The following SHISA9 variants were observed in gnomAD, a reference collection of about 807,000 sequenced individuals.
The protein encoded by SHISA9 is shisa family member 9, also known as protein shisa-9.
In SHISA9, 13 loss-of-function variants were observed where a neutral mutation model predicts 38.0. The ratio of observed to expected loss-of-function variants is 0.34; its 90% CI spans 0.22 to 0.54. SHISA9 has a LOEUF of 0.54. SHISA9 is among the 20% of genes least tolerant of loss of function. The probability of loss-of-function intolerance (pLI) is 0.91; values close to 1 mark genes in which losing one functional copy is unlikely to be tolerated. For missense variants in SHISA9, 538 were observed against 575.8 expected (o/e 0.93, Z 0.67); for synonymous variants, 275 against 242.0 (o/e 1.14, Z -1.27).
the SHISA9 span, among the ~76,000 whole-genome samples, chr16:13,535,524 C>T: frequency 6.6e-6 from 1 of 152,174 alleles, no homozygotes; most frequent in Non-Finnish European, 1.5e-5. Context: ...CAGTCACACT[C>T]GTTCGTTTAC....
At chr16:13,147,252 A>T (rs1053951067) in intron 2 of SHISA9, among the ~76,000 whole-genome samples, 1 of 152,060 alleles carries the variant, frequency 6.6e-6, no homozygotes, top group African/African-American at 2.4e-5. Flanking sequence ...TGATAAGGAG[A>T]CTGAATTCTA....
chr16:13,538,253 C>G, the SHISA9 span, among the ~76,000 whole-genome samples: 13,514 of 152,188 alleles, frequency 0.089, 777 homozygotes, highest in East Asian at 0.2. Flanking sequence ...GGTCAGGAAA[C>G]AGGTTTTCTC....
intron 2 of SHISA9, among the ~76,000 whole-genome samples, chr16:12,990,015 G>A (rs1410615864): frequency 6.6e-6 from 1 of 152,138 alleles, no homozygotes; most frequent in Non-Finnish European, 1.5e-5. Flanking sequence ...CCACTTATAA[G>A]TGAGAACATG....
At chr16:12,908,752 C>T (rs937289980) in intron 1 of SHISA9, 84 of 1,409,914 alleles carry the variant, frequency 6.0e-5, no homozygotes, top group Non-Finnish European at 7.2e-5. Flanking sequence ...CTTTCTATAT[C>T]GGCCCCGGCA....
intron 2 of SHISA9, among the ~76,000 whole-genome samples, chr16:13,117,252 G>A (rs1425068214): frequency 1.3e-5 from 2 of 152,110 alleles, no homozygotes; most frequent in African/African-American, 4.8e-5. Flanking sequence ...TGGGATTATG[G>A]GCATGAGCCA....
At chr16:13,342,920 C>A in the SHISA9 span, among the ~76,000 whole-genome samples, 1 of 152,304 alleles carries the variant, frequency 6.6e-6, no homozygotes, top group Admixed American at 6.5e-5. Context: ...AATGGTTTTA[C>A]ATCCTATGAC....
intron 2 of SHISA9, among the ~76,000 whole-genome samples, chr16:12,997,794 T>C (rs535402249): frequency 4.6e-5 from 7 of 152,186 alleles, no homozygotes; most frequent in Non-Finnish European, 5.9e-5. Context: ...TCCTTCATGG[T>C]GCTCACTCAC....
intron 2 of SHISA9, among the ~76,000 whole-genome samples, chr16:12,988,686 C>T (rs570611881): frequency 7.2e-5 from 11 of 151,962 alleles, no homozygotes; most frequent in South Asian, 2.1e-4. Flanking sequence ...CAACCATGCC[C>T]GACTATTTTC....
the SHISA9 span, among the ~76,000 whole-genome samples, chr16:13,516,576 G>C: frequency 2.0e-5 from 3 of 152,100 alleles, no homozygotes; most frequent in Non-Finnish European, 4.4e-5. Context: ...GAGGTGGGTG[G>C]ATTGCCTGAG....
At chr16:12,983,500 T>C (rs1167068508) in intron 2 of SHISA9, among the ~76,000 whole-genome samples, 1 of 152,088 alleles carries the variant, frequency 6.6e-6, no homozygotes, top group Non-Finnish European at 1.5e-5. Context: ...TGGTTTTGGG[T>C]TTTTTTGAGA....
intron 2 of SHISA9, among the ~76,000 whole-genome samples, chr16:13,173,137 G>C (rs1351838310): frequency 2.9e-5 from 4 of 139,884 alleles, no homozygotes; most frequent in Non-Finnish European, 6.1e-5. Context: ...TTATCAGTCA[G>C]AAGAGATGCA....
At chr16:13,295,626 G>T in the SHISA9 span, among the ~76,000 whole-genome samples, 2 of 150,552 alleles carry the variant, frequency 1.3e-5, no homozygotes, top group African/African-American at 4.8e-5. Flanking sequence ...TTTTCACCTC[G>T]GGGGGTTCAA....
chr16:12,928,330 GTA>G (rs1491099475), intron 2 of SHISA9, among the ~76,000 whole-genome samples: 5 of 88,506 alleles, frequency 5.6e-5, no homozygotes, highest in African/African-American at 1.7e-4. Context: ...GTGTGTGTGT[GTA>G]TGTGTGTGTG....
At chr16:13,464,417 G>T in the SHISA9 span, among the ~76,000 whole-genome samples, 1 of 152,126 alleles carries the variant, frequency 6.6e-6, no homozygotes, top group Non-Finnish European at 1.5e-5. Context: ...CAATCCTGAA[G>T]CCCCAAAACT....
intron 2 of SHISA9, among the ~76,000 whole-genome samples, chr16:13,085,680 A>G (rs916533859): frequency 2.0e-5 from 3 of 152,214 alleles, no homozygotes; most frequent in African/African-American, 7.2e-5. Context: ...TTCTAATGTG[A>G]GAAATTCAGG....
chr16:13,393,978 A>C, the SHISA9 span, among the ~76,000 whole-genome samples: 2 of 152,278 alleles, frequency 1.3e-5, no homozygotes, highest in Admixed American at 1.3e-4. Context: ...ACGGTGCTCT[A>C]CGTCACGTCC....
the SHISA9 span, among the ~76,000 whole-genome samples, chr16:13,425,521 G>A: frequency 1.3e-5 from 2 of 150,858 alleles, no homozygotes; most frequent in Admixed American, 6.6e-5. Context: ...ACATAAATAA[G>A]CAAAAGCAGG....
the SHISA9 span, among the ~76,000 whole-genome samples, chr16:13,546,900 T>G: frequency 2.0e-5 from 3 of 152,204 alleles, no homozygotes; most frequent in Admixed American, 6.5e-5. Context: ...GTATATCATC[T>G]GGCTCCTGTG....
intron 2 of SHISA9, among the ~76,000 whole-genome samples, chr16:12,973,433 T>G (rs761033650): frequency 6.6e-6 from 1 of 152,178 alleles, no homozygotes; most frequent in Non-Finnish European, 1.5e-5. Flanking sequence ...CATAAAGATA[T>G]AGGCTACAGA....
Sources: allele counts gnomAD v4.1 joint callset (sites outside exome capture counted in the v4.1 genomes callset), GRCh38; gene constraint gnomAD v4.1.1; transcripts MANE v1.5; gene names NCBI Gene and HGNC (gene_info 2026-07-23, HGNC 2026-07-21).